The following SPOCK1 variants were observed in gnomAD, a reference collection of about 807,000 sequenced individuals.
SPOCK1 encodes the protein SPARC (osteonectin), cwcv and kazal like domains proteoglycan 1.
Under a neutral mutation model 55.3 loss-of-function variants are expected in SPOCK1, and 23 were observed. The observed-to-expected ratio is 0.42, with a 90% CI of 0.30 to 0.59. SPOCK1 has a LOEUF of 0.59. Among genes scored for constraint, SPOCK1 ranks in the 20% least tolerant of loss-of-function variants. The probability of loss-of-function intolerance (pLI) is 0.22; values close to 1 mark genes in which losing one functional copy is unlikely to be tolerated. For synonymous variants in SPOCK1, 226 were observed against 221.0 expected (o/e 1.02, Z -0.20); for missense variants, 499 against 552.5 (o/e 0.90, Z 0.97).
intron 2 of SPOCK1, among the ~76,000 whole-genome samples, chr5:137,383,322 C>T (rs770719697): frequency 5.3e-5 from 8 of 152,176 alleles, no homozygotes; most frequent in Admixed American, 3.3e-4. Context: ...CCCTTCCCCT[C>T]CCCACATCCT....
chr5:137,288,277 G>T (rs773834804), intron 2 of SPOCK1, among the ~76,000 whole-genome samples: 2 of 152,170 alleles, frequency 1.3e-5, no homozygotes, highest in African/African-American at 4.8e-5. Flanking sequence ...ACAAGTAATG[G>T]CAGCATACCT....
rs142688329 is a variant in SPOCK1, at chr5:137,340,371, T to TAG, written c.187-73318_187-73317dup. On this transcript the variant is annotated intron_variant, in intron 2 of 10. Transcript: ENST00000394945. ...CTGAGAGAGAATGCTGGATAATAAT[T>TAG]AGTGCCACACTCTGAGGCTTCAGAA... Among the ~76,000 whole-genome samples, 390 of 152,248 alleles carry TAG rather than the reference T, an allele frequency of 2.6e-3. 1 individual carries two copies. Among genetic ancestry groups the TAG allele is most frequent in the Non-Finnish European group, 4.6e-3 (316 of 68,014 alleles).
chr5:137,409,888 T>C (rs879913820), intron 2 of SPOCK1, among the ~76,000 whole-genome samples: 1 of 152,216 alleles, frequency 6.6e-6, no homozygotes, highest in Non-Finnish European at 1.5e-5. Flanking sequence ...TATGGTTGAA[T>C]GGAAATTCAG....
intron 4 of SPOCK1, among the ~76,000 whole-genome samples, chr5:137,120,907 G>GA (rs1353901076): frequency 6.6e-6 from 1 of 152,222 alleles, no homozygotes; most frequent in Non-Finnish European, 1.5e-5. Context: ...GGAGGCTGAA[G>GA]AAAGGAGTTA....
intron 6 of SPOCK1, among the ~76,000 whole-genome samples, chr5:137,041,725 G>A (rs6860208): frequency 0.11 from 16,814 of 152,058 alleles, 1,056 homozygotes; most frequent in East Asian, 0.24. Flanking sequence ...TTTTTCATAG[G>A]GAAATACAAA....
intron 3 of SPOCK1, among the ~76,000 whole-genome samples, chr5:137,153,571 A>G (rs1172346359): frequency 6.6e-6 from 1 of 152,146 alleles, no homozygotes; most frequent in Non-Finnish European, 1.5e-5. Flanking sequence ...GAAGAGAAAG[A>G]GGCCAGGCAC....
chr5:137,191,642 G>A (rs902217320), intron 3 of SPOCK1, among the ~76,000 whole-genome samples: 3 of 152,188 alleles, frequency 2.0e-5, no homozygotes, highest in African/African-American at 7.2e-5. Flanking sequence ...GACAATATCA[G>A]TGGCCCATCA....
intron 2 of SPOCK1, among the ~76,000 whole-genome samples, chr5:137,326,007 A>G (rs1758070050): frequency 6.6e-6 from 1 of 152,242 alleles, no homozygotes. Context: ...CATCAGCAGC[A>G]TCTGGGAGTA....
intron 6 of SPOCK1, among the ~76,000 whole-genome samples, chr5:137,057,839 G>C (rs1239464696): frequency 1.3e-5 from 2 of 152,210 alleles, no homozygotes; most frequent in Non-Finnish European, 2.9e-5. Context: ...CAGGGCAATG[G>C]AAGAACAGTC....
chr5:137,004,536 A>C (rs1302248820), intron 6 of SPOCK1, among the ~76,000 whole-genome samples: 1 of 152,122 alleles, frequency 6.6e-6, no homozygotes, highest in African/African-American at 2.4e-5. Context: ...TGGCACAGTG[A>C]TAAAATGTTT....
intron 7 of SPOCK1, chr5:136,988,947 C>A: frequency 4.3e-6 from 1 of 234,392 alleles, no homozygotes; most frequent in Non-Finnish European, 8.3e-6. Flanking sequence ...TGGGGTGTGC[C>A]TGAAAGAAAT....
chr5:137,037,482 T>C (rs774379462), intron 6 of SPOCK1, among the ~76,000 whole-genome samples: 14 of 151,986 alleles, frequency 9.2e-5, no homozygotes, highest in Non-Finnish European at 2.1e-4. Context: ...TAGCAGGTGC[T>C]CAACAAACAC....
intron 2 of SPOCK1, among the ~76,000 whole-genome samples, chr5:137,478,200 G>A (rs1753876761): frequency 6.6e-6 from 1 of 152,108 alleles, no homozygotes; most frequent in Non-Finnish European, 1.5e-5. Context: ...TAAACACGAG[G>A]AAAATGGTGA....
intron 3 of SPOCK1, among the ~76,000 whole-genome samples, chr5:137,177,374 G>C (rs574867506): frequency 1.1e-4 from 16 of 152,302 alleles, no homozygotes; most frequent in African/African-American, 3.8e-4. Context: ...TGGGGTTGGA[G>C]GAGACCAGAG....
chr5:137,001,883 C>T (rs879659007), intron 6 of SPOCK1, among the ~76,000 whole-genome samples: 7 of 152,176 alleles, frequency 4.6e-5, no homozygotes, highest in Non-Finnish European at 1.0e-4. Context: ...ATTTAAAAAA[C>T]ATATACAAGG....
chr5:137,137,946 T>A (rs1157816507), intron 4 of SPOCK1, among the ~76,000 whole-genome samples: 2 of 152,076 alleles, frequency 1.3e-5, no homozygotes, highest in Admixed American at 1.3e-4. Flanking sequence ...TTACACACCA[T>A]CATTTTATTG....
intron 2 of SPOCK1, among the ~76,000 whole-genome samples, chr5:137,380,489 G>A (rs1751440252): frequency 6.6e-6 from 1 of 152,158 alleles, no homozygotes; most frequent in South Asian, 2.1e-4. Context: ...ACCTGAGATT[G>A]GGTGATTTAT....
intron 3 of SPOCK1, among the ~76,000 whole-genome samples, chr5:137,195,773 G>A (rs991596759): frequency 6.6e-6 from 1 of 152,258 alleles, no homozygotes; most frequent in Non-Finnish European, 1.5e-5. Context: ...ATAGGTATGA[G>A]TACATGACTG....
intron 5 of SPOCK1, among the ~76,000 whole-genome samples, chr5:137,092,261 G>A (rs1353671696): frequency 6.6e-6 from 1 of 152,186 alleles, no homozygotes; most frequent in Non-Finnish European, 1.5e-5. Context: ...TATGGCAAAT[G>A]CTAAGAAAAA....
Sources: allele counts gnomAD v4.1 joint callset (sites outside exome capture counted in the v4.1 genomes callset), GRCh38; gene constraint gnomAD v4.1.1; transcripts MANE v1.5; gene names NCBI Gene and HGNC (gene_info 2026-07-23, HGNC 2026-07-21).